MECOM: variants seen among roughly 807,000 people sequenced by gnomAD.
The protein encoded by MECOM is histone-lysine N-methyltransferase MECOM.
A neutral mutation model predicts 116.3 loss-of-function variants in MECOM; 13 were observed. The ratio of observed to expected loss-of-function variants is 0.11; its 90% confidence interval spans 0.07 to 0.18. MECOM has a LOEUF of 0.18. MECOM is among the 10% of genes least tolerant of loss of function. The probability of loss-of-function intolerance (pLI) is 1.00; values close to 1 mark genes in which losing one functional copy is unlikely to be tolerated. For missense variants in MECOM, 1,299 were observed against 1,509.0 expected, an observed-to-expected ratio of 0.86 and a Z score of 2.31; for synonymous variants, 528 against 535.2, an observed-to-expected ratio of 0.99 and a Z score of 0.19.
At chr3:169,586,353 T>C (rs1351818504) in intron 1 of MECOM, among the ~76,000 whole-genome samples, 1 of 152,250 alleles carries the variant, frequency 6.6e-6, no homozygotes, top group Non-Finnish European at 1.5e-5. Context: ...CCAACAACTG[T>C]AATAGTTTGC....
intron 1 of MECOM, among the ~76,000 whole-genome samples, chr3:169,428,725 G>A (rs1381752947): frequency 6.6e-6 from 1 of 151,874 alleles, no homozygotes; most frequent in Non-Finnish European, 1.5e-5. Context: ...ATTATTTTTT[G>A]TAAACAAAAC....
At chr3:169,470,221 T>C (rs1364273076) in intron 1 of MECOM, 1 of 152,122 alleles carries the variant, frequency 6.6e-6, no homozygotes, top group Non-Finnish European at 1.5e-5. Context: ...TCACAAAAGA[T>C]ACATTCCAAC....
chr3:169,471,376 AT>A lies in MECOM; in HGVS notation c.38-89853del, dbSNP rs1553862757. Among the ~76,000 whole-genome samples the A allele has an allele frequency of 6.0e-4, 88 of 146,322 alleles. No individual in the cohort carries two copies. In the Middle Eastern group the frequency reaches 0.015, roughly 25 times the overall value. On this transcript the variant is annotated intron_variant, in intron 1 of 16. Coordinates refer to ENST00000651503, the MANE Select transcript of MECOM (RefSeq NM_004991.4). ...AGTTTACCTCAGGAAAAAAAAAAAA[AT>A]TCCTGCTTTAAATTCTAGACACCTA...
intron 1 of MECOM, among the ~76,000 whole-genome samples, chr3:169,604,428 C>T (rs181134344): frequency 1.6e-3 from 226 of 141,106 alleles, no homozygotes; most frequent in African/African-American, 5.3e-3. Flanking sequence ...GTGACTGGCC[C>T]ATGCCCTTGT....
chr3:169,249,832 A>C lies in MECOM; in HGVS notation c.376-106000T>G, dbSNP rs116277586. ...CAGGGGTTACTGGTAATGAAACAACAGAGAATTAAGATGAACCAACCAATT... is the reference window on the plus strand; with the variant it reads ...CAGGGGTTACTGGTAATGAAACAACCGAGAATTAAGATGAACCAACCAATT... On this transcript the variant is annotated intron_variant, in intron 2 of 16. Coordinates refer to ENST00000651503, the MANE Select transcript of MECOM (RefSeq NM_004991.4). Among the ~76,000 whole-genome samples the C allele has an allele frequency of 8.3e-3, 1,263 of 152,330 alleles. 14 individuals are homozygous for C. Among genetic ancestry groups the C allele is most frequent in the African/African-American group, 0.029 (1,190 of 41,564 alleles).
intron 1 of MECOM, among the ~76,000 whole-genome samples, chr3:169,571,573 G>C (rs996099369): frequency 6.6e-6 from 1 of 152,056 alleles, no homozygotes; most frequent in Non-Finnish European, 1.5e-5. Flanking sequence ...GAGGCATCAC[G>C]CTACCTGACT....
chr3:169,348,452 T>A (rs1312047364), intron 2 of MECOM, among the ~76,000 whole-genome samples: 1 of 151,998 alleles, frequency 6.6e-6, no homozygotes, highest in Non-Finnish European at 1.5e-5. Flanking sequence ...CCACCAGCCC[T>A]GAGGTCCTGA....
chr3:169,420,687 A>G (rs972455274), intron 1 of MECOM, among the ~76,000 whole-genome samples: 2 of 152,198 alleles, frequency 1.3e-5, no homozygotes, highest in African/African-American at 4.8e-5. Flanking sequence ...GGCTTGACTC[A>G]TGACTCAATT....
chr3:169,319,769 A>C (rs549566168), intron 2 of MECOM, among the ~76,000 whole-genome samples: 1 of 152,226 alleles, frequency 6.6e-6, no homozygotes, highest in Non-Finnish European at 1.5e-5. Flanking sequence ...AAGTGGGGAA[A>C]TGATACCTAC....
intron 8 of MECOM, among the ~76,000 whole-genome samples, chr3:169,113,922 G>T (rs1728266623): frequency 6.6e-6 from 1 of 152,062 alleles, no homozygotes; most frequent in Non-Finnish European, 1.5e-5. Context: ...GGTCTTTCAT[G>T]AGTTTGGCAA....
intron 1 of MECOM, among the ~76,000 whole-genome samples, chr3:169,411,834 T>A (rs1456193897): frequency 6.6e-6 from 1 of 151,468 alleles, no homozygotes; most frequent in Admixed American, 6.6e-5. Flanking sequence ...CTACTAAAAA[T>A]ACAAAAAGTA....
chr3:169,453,436 A>C (rs28483094), intron 1 of MECOM, among the ~76,000 whole-genome samples: 12 of 152,224 alleles, frequency 7.9e-5, no homozygotes, highest in African/African-American at 2.9e-4. Flanking sequence ...CCACAATGAC[A>C]GTCAAGACAA....
At chr3:169,181,452 C>T (rs1402392718) in intron 2 of MECOM, among the ~76,000 whole-genome samples, 1 of 152,164 alleles carries the variant, frequency 6.6e-6, no homozygotes, top group Non-Finnish European at 1.5e-5. Context: ...TCAGCACTGA[C>T]TAAAAAATCA....
intron 1 of MECOM, among the ~76,000 whole-genome samples, chr3:169,594,904 T>C (rs1195445109): frequency 7.6e-6 from 1 of 132,260 alleles, no homozygotes; most frequent in East Asian, 2.5e-4. Context: ...AAAAAAAAAC[T>C]GGATCTATAT....
chr3:169,406,734 C>T (rs1736754319), intron 1 of MECOM, among the ~76,000 whole-genome samples: 1 of 152,062 alleles, frequency 6.6e-6, no homozygotes, highest in Non-Finnish European at 1.5e-5. Flanking sequence ...AAAACTAAGG[C>T]TCAGAGAGTT....
intron 2 of MECOM, among the ~76,000 whole-genome samples, chr3:169,225,701 C>G (rs1380273125): frequency 6.6e-6 from 1 of 152,198 alleles, no homozygotes; most frequent in Non-Finnish European, 1.5e-5. Flanking sequence ...CCTGTGCCTC[C>G]TGGGTTCAAG....
In MECOM at chr3:169,093,042, T is replaced by C. The variant is rs1485455195; in HGVS notation, c.3080A>G (p.Lys1027Arg). 2 of 1,613,760 alleles carry C rather than the reference T, an allele frequency of 1.2e-6. No individual in the cohort carries two copies. Among genetic ancestry groups the C allele is most frequent in the East Asian group, 2.2e-5 (1 of 44,890 alleles). ...LESTGAILDD[K>R]EDAYFTEIRN... ...AATTTCTGTGAAGTAAGCATCTTCT[T>C]TGTCATCCAGAATCGCACCTGTACT... The change falls in exon 14 of 17, where the codon AAA becomes AGA. Residue 1027 changes from lysine (K) to arginine (R), a missense_variant. Physicochemically the swap from Lys to Arg is conservative, Grantham distance 26. Coordinates refer to ENST00000651503, the MANE Select transcript of MECOM (RefSeq NM_004991.4).
chr3:169,414,972 C>T (rs1196677259), intron 1 of MECOM, among the ~76,000 whole-genome samples: 4 of 152,142 alleles, frequency 2.6e-5, no homozygotes, highest in Admixed American at 2.6e-4. Flanking sequence ...GGATATTATC[C>T]AGGAGAACTT....
intron 2 of MECOM, among the ~76,000 whole-genome samples, chr3:169,345,586 C>T (rs1725217045): frequency 6.6e-6 from 1 of 152,050 alleles, no homozygotes; most frequent in African/African-American, 2.4e-5. Context: ...TTAGCAGCAC[C>T]CCTGAGAGCC....
Sources: gnomAD v4.1 joint callset for allele counts (sites outside exome capture counted in the v4.1 genomes callset) on GRCh38, gnomAD v4.1.1 for gene constraint, MANE v1.5 for transcripts, NCBI Gene and HGNC (gene_info 2026-07-23, HGNC 2026-07-21) for gene names.